Variants in GARRE1 observed in about 807,000 individuals in gnomAD.
The protein encoded by GARRE1 is granule associated Rac and RHOG effector protein 1.
GARRE1 carries 49 observed loss-of-function variants against 103.2 expected under a neutral mutation model. That is an observed-to-expected ratio of 0.47 (90% confidence interval 0.38 to 0.60). The LOEUF is 0.60. Ranked by LOEUF, GARRE1 falls within the 20% of genes least tolerant of loss-of-function variation. The pLI, the probability that GARRE1 is intolerant of heterozygous loss-of-function variation, is 0.00. For missense variants in GARRE1, 1,199 were observed against 1,370.5 expected (o/e 0.87, Z 1.98); for synonymous variants, 505 against 532.8 (o/e 0.95, Z 0.72).
chr19:34,263,447 T>C (rs2073732100), intron 1 of GARRE1, among the ~76,000 whole-genome samples: 1 of 151,970 alleles, frequency 6.6e-6, no homozygotes, highest in Non-Finnish European at 1.5e-5. Flanking sequence ...ATGGTGTGAA[T>C]TTTTTTCCCT....
chr19:34,277,599 T>C (rs2073824357), intron 1 of GARRE1, among the ~76,000 whole-genome samples: 1 of 152,190 alleles, frequency 6.6e-6, no homozygotes, highest in South Asian at 2.1e-4. Context: ...TTTGTCACAA[T>C]GATAGGCATA....
intron 2 of GARRE1, among the ~76,000 whole-genome samples, chr19:34,315,575 G>A (rs1213615681): frequency 4.6e-5 from 7 of 152,160 alleles, no homozygotes; most frequent in Middle Eastern, 3.4e-3. Context: ...GCCTGGCGTG[G>A]TGGTGGGTGC....
chr19:34,341,400 A>G (rs759342601), intron 9 of GARRE1, 22 bp from the exon 10 acceptor site: 1 of 1,545,608 alleles, frequency 6.5e-7, no homozygotes, highest in African/African-American at 1.4e-5. Context: ...TTTTTTTTTT[A>G]AACAAATTTC....
chr19:34,295,639 G>A (rs562921423), intron 1 of GARRE1, among the ~76,000 whole-genome samples: 3 of 151,966 alleles, frequency 2.0e-5, no homozygotes, highest in Non-Finnish European at 4.4e-5. Context: ...AAGTGATACT[G>A]CTCCCTCAGC....
intron 2 of GARRE1, among the ~76,000 whole-genome samples, chr19:34,303,284 A>G (rs1045003965): frequency 1.3e-5 from 2 of 152,186 alleles, no homozygotes; most frequent in East Asian, 3.8e-4. Context: ...AAGTTCTTGG[A>G]TATGAGATCC....
intron 1 of GARRE1, among the ~76,000 whole-genome samples, chr19:34,275,676 T>C (rs552542627): frequency 2.0e-5 from 3 of 152,348 alleles, no homozygotes; most frequent in South Asian, 4.1e-4. Flanking sequence ...ATAATACTGC[T>C]CCAAACGTTC....
chr19:34,280,186 C>T (rs1007190129), intron 1 of GARRE1, among the ~76,000 whole-genome samples: 1 of 152,072 alleles, frequency 6.6e-6, no homozygotes, highest in African/African-American at 2.4e-5. Context: ...TGAGAACCCA[C>T]TCACTATTGA....
chr19:34,268,276 G>C (rs1389481092), intron 1 of GARRE1, among the ~76,000 whole-genome samples: 2 of 152,138 alleles, frequency 1.3e-5, no homozygotes, highest in East Asian at 3.8e-4. Context: ...AACTTTTTCG[G>C]AAGTTTAGGA....
intron 1 of GARRE1, among the ~76,000 whole-genome samples, chr19:34,292,780 G>A (rs1298755279): frequency 2.6e-5 from 4 of 151,774 alleles, no homozygotes; most frequent in Non-Finnish European, 4.4e-5. Flanking sequence ...CATCACCCAG[G>A]GTGGAATGCA....
chr19:34,305,868 T>A (rs2074005308), intron 2 of GARRE1, among the ~76,000 whole-genome samples: 1 of 152,238 alleles, frequency 6.6e-6, no homozygotes, highest in Non-Finnish European at 1.5e-5. Flanking sequence ...CATAATGGGC[T>A]GAACAGGCTT....
At chr19:34,256,324 C>T (rs2073672636) in intron 1 of GARRE1, among the ~76,000 whole-genome samples, 1 of 151,290 alleles carries the variant, frequency 6.6e-6, no homozygotes, top group Non-Finnish European at 1.5e-5. Flanking sequence ...CCAGCCTGGC[C>T]AACGTGGTGA....
intron 1 of GARRE1, among the ~76,000 whole-genome samples, chr19:34,288,018 T>C (rs1568530342): frequency 6.6e-6 from 1 of 152,082 alleles, no homozygotes; most frequent in Non-Finnish European, 1.5e-5. Context: ...CATAGGTGCA[T>C]AGTGGGTAGT....
intron 10 of GARRE1, among the ~76,000 whole-genome samples, chr19:34,345,336 A>G (rs2074206114): frequency 2.0e-5 from 3 of 151,908 alleles, no homozygotes; most frequent in African/African-American, 7.3e-5. Flanking sequence ...GATGTAGGAA[A>G]CCCTTGTGCC....
At chr19:34,270,918 G>A (rs1026628277) in intron 1 of GARRE1, among the ~76,000 whole-genome samples, 2 of 152,108 alleles carry the variant, frequency 1.3e-5, no homozygotes, top group Non-Finnish European at 2.9e-5. Context: ...AGCACTTCTG[G>A]CCTCTACCCA....
intron 1 of GARRE1, among the ~76,000 whole-genome samples, chr19:34,298,709 A>G (rs945361609): frequency 1.3e-5 from 2 of 149,190 alleles, no homozygotes; most frequent in African/African-American, 5.1e-5. Flanking sequence ...CTCCATCTCA[A>G]AAAAAATAAT....
At chr19:34,321,830 T>C (rs150096103) in intron 3 of GARRE1, among the ~76,000 whole-genome samples, 120 of 152,248 alleles carry the variant, frequency 7.9e-4, no homozygotes, top group Middle Eastern at 3.4e-3. Context: ...ACAGCAGATA[T>C]GTTTATAAAA....
In GARRE1 at chr19:34,353,057, A is replaced by G. The variant is rs952385527; in HGVS notation, c.*102A>G. ...CACTTAGCTGACACCAGCCCCTCAGAGGACCAGTGCGCCCCATCCCAGGGA... is the reference window on the plus strand; with the variant it reads ...CACTTAGCTGACACCAGCCCCTCAGGGGACCAGTGCGCCCCATCCCAGGGA... On this transcript the variant is annotated 3_prime_UTR_variant, in exon 14 of 14. Coordinates refer to ENST00000299505, the MANE Select transcript of GARRE1 (RefSeq NM_014686.5). The G allele has an allele frequency of 1.3e-5, 14 of 1,115,378 alleles. No individual in the cohort carries two copies. Among genetic ancestry groups the G allele is most frequent in the Non-Finnish European group, 1.8e-5 (14 of 798,998 alleles). 69.1% of individuals were successfully genotyped at this position (1,115,378 alleles called of 1,614,324 possible). A position where few individuals can be genotyped will look rare whatever the true frequency, so the allele number is the denominator to read the frequency against.
chr19:34,330,498 AG>A, intron 7 of GARRE1, 151 bp downstream of exon 7: 6 of 736,868 alleles, frequency 8.1e-6, no homozygotes, highest in Middle Eastern at 4.0e-4. Flanking sequence ...GACAAGGTAA[AG>A]GAAGAGCAGC....
intron 1 of GARRE1, among the ~76,000 whole-genome samples, chr19:34,276,948 A>G (rs2073820634): frequency 1.3e-5 from 2 of 152,208 alleles, no homozygotes; most frequent in Non-Finnish European, 1.5e-5. Context: ...TGTCATGAAG[A>G]TAAGACAGCA....
Sources: gnomAD v4.1 joint callset for allele counts (sites outside exome capture counted in the v4.1 genomes callset) on GRCh38, gnomAD v4.1.1 for gene constraint, MANE v1.5 for transcripts, NCBI Gene and HGNC (gene_info 2026-07-23, HGNC 2026-07-21) for gene names.